The following CALN1 variants were observed in gnomAD, a reference collection of about 807,000 sequenced individuals.
The protein encoded by CALN1 is calneuron 1.
Under a neutral mutation model 30.6 loss-of-function variants are expected in CALN1, and 17 were observed. The observed-to-expected ratio is 0.56, with a 90% CI of 0.38 to 0.83. The LOEUF (loss-of-function observed/expected upper bound fraction) is 0.83, where lower values mean the gene tolerates loss of function less well. CALN1 is among the 40% of genes least tolerant of loss of function. The pLI, the probability that CALN1 is intolerant of heterozygous loss-of-function variation, is 0.00. For missense variants in CALN1, 291 were observed against 354.9 expected (o/e 0.82, Z 1.45); for synonymous variants, 156 against 131.4 (o/e 1.19, Z -1.28).
At chr7:72,121,857 T>C (rs1414440598) in intron 3 of CALN1, among the ~76,000 whole-genome samples, 1 of 147,540 alleles carries the variant, frequency 6.8e-6, no homozygotes, top group South Asian at 2.1e-4. Context: ...ATAATATCTA[T>C]TATATAATTA....
the CALN1 span, among the ~76,000 whole-genome samples, chr7:72,487,673 GAAAGAAAGA>G: frequency 6.3e-5 from 8 of 127,878 alleles, no homozygotes; most frequent in African/African-American, 2.6e-4. Context: ...GCAGCAGAGT[GAAAGAAAGA>G]AAGGAAAGAA....
intron 3 of CALN1, among the ~76,000 whole-genome samples, chr7:72,274,985 C>T (rs375217425): frequency 6.6e-6 from 1 of 152,068 alleles, no homozygotes; most frequent in Non-Finnish European, 1.5e-5. Flanking sequence ...CCTTTTCATG[C>T]CTGTTTTCAG....
intron 3 of CALN1, among the ~76,000 whole-genome samples, chr7:72,125,482 A>G (rs1295077148): frequency 3.3e-5 from 5 of 152,246 alleles, no homozygotes; most frequent in Non-Finnish European, 5.9e-5. Flanking sequence ...GGCACTTTGT[A>G]AAGTAAATAA....
intron 5 of CALN1, among the ~76,000 whole-genome samples, chr7:71,928,437 ACTTT>A (rs1795379852): frequency 1.5e-5 from 2 of 136,008 alleles, no homozygotes; most frequent in South Asian, 4.7e-4. Context: ...GTTTGCCATT[ACTTT>A]TAATGGCAAA....
At chr7:71,888,390 C>T (rs75257575) in intron 5 of CALN1, among the ~76,000 whole-genome samples, 4 of 143,734 alleles carry the variant, frequency 2.8e-5, no homozygotes, top group Non-Finnish European at 6.0e-5. Flanking sequence ...TAAAAGTGGG[C>T]GATTGTATGG....
intron 2 of CALN1, among the ~76,000 whole-genome samples, chr7:72,387,274 A>AGGGAGGG (rs1562939094): frequency 4.3e-4 from 5 of 11,700 alleles, no homozygotes; most frequent in African/African-American, 5.3e-4. Context: ...GGAAGGGAGG[A>AGGGAGGG]AGGGAGGGAG....
intron 5 of CALN1, among the ~76,000 whole-genome samples, chr7:71,875,607 T>C (rs566872772): frequency 6.6e-6 from 1 of 152,112 alleles, no homozygotes; most frequent in Non-Finnish European, 1.5e-5. Context: ...GGGACTGTGG[T>C]AGAATAACAT....
chr7:71,975,214 C>T (rs1052429970), intron 5 of CALN1, among the ~76,000 whole-genome samples: 1 of 152,172 alleles, frequency 6.6e-6, no homozygotes, highest in African/African-American at 2.4e-5. Context: ...GAGCCCCGTG[C>T]TAGCCTCTTG....
chr7:71,884,217 C>T (rs1475803941), intron 5 of CALN1, among the ~76,000 whole-genome samples: 2 of 152,080 alleles, frequency 1.3e-5, no homozygotes, highest in African/African-American at 4.8e-5. Context: ...CCGGCCATAT[C>T]AGCCTCTTTG....
intron 5 of CALN1, among the ~76,000 whole-genome samples, chr7:71,866,648 C>A (rs1049537080): frequency 6.6e-6 from 1 of 152,116 alleles, no homozygotes; most frequent in African/African-American, 2.4e-5. Context: ...TTAACTGAAA[C>A]TACCAGTCAA....
chr7:72,233,780 G>C (rs527525416), intron 3 of CALN1, among the ~76,000 whole-genome samples: 11 of 152,240 alleles, frequency 7.2e-5, no homozygotes, highest in African/African-American at 2.6e-4. Context: ...GAGGCAGGCG[G>C]ATAATCTGAG....
chr7:72,210,007 C>A (rs1423296485), intron 3 of CALN1, among the ~76,000 whole-genome samples: 2 of 152,170 alleles, frequency 1.3e-5, no homozygotes, highest in Non-Finnish European at 2.9e-5. Flanking sequence ...CCAGCAGCAT[C>A]CCCCGAAGCC....
chr7:72,366,396 G>A (rs749120480), intron 2 of CALN1, among the ~76,000 whole-genome samples: 8 of 151,874 alleles, frequency 5.3e-5, no homozygotes, highest in Non-Finnish European at 8.8e-5. Context: ...AGCTGGTCTC[G>A]AACTCCTGAC....
intron 3 of CALN1, among the ~76,000 whole-genome samples, chr7:72,215,434 A>G (rs886272292): frequency 1.3e-5 from 2 of 152,058 alleles, no homozygotes; most frequent in Non-Finnish European, 1.5e-5. Flanking sequence ...TCTCTACCAA[A>G]AATACAAAAA....
intron 2 of CALN1, among the ~76,000 whole-genome samples, chr7:72,304,885 T>G (rs1424635327): frequency 6.6e-6 from 1 of 152,196 alleles, no homozygotes; most frequent in East Asian, 1.9e-4. Context: ...CTTAGTGACA[T>G]GGGTCTATTT....
At chr7:71,837,079 A>G (rs974592952) in intron 5 of CALN1, among the ~76,000 whole-genome samples, 40 of 151,518 alleles carry the variant, frequency 2.6e-4, no homozygotes, top group South Asian at 2.1e-4. Flanking sequence ...TAAAATTACA[A>G]AAGTTAGTCG....
intron 5 of CALN1, among the ~76,000 whole-genome samples, chr7:71,870,976 C>T (rs62459053): frequency 0.023 from 3,493 of 152,132 alleles, 138 homozygotes; most frequent in South Asian, 0.18. Flanking sequence ...TCAGTTTCTC[C>T]TTCTGTTTTG....
At chr7:72,124,344 T>C (rs1413989973) in intron 3 of CALN1, among the ~76,000 whole-genome samples, 2 of 152,158 alleles carry the variant, frequency 1.3e-5, no homozygotes, top group East Asian at 3.8e-4. Context: ...AATTCACTTT[T>C]GGAAAATTAA....
At chr7:72,417,187 G>A (rs1779174938), upstream of CALN1, among the ~76,000 whole-genome samples, 1 of 152,170 alleles carries the variant, frequency 6.6e-6, no homozygotes. Context: ...GCTGTTTGGT[G>A]CCCTCGCCTC....
Sources: gnomAD v4.1 joint callset for allele counts (sites outside exome capture counted in the v4.1 genomes callset) on GRCh38, gnomAD v4.1.1 for gene constraint, MANE v1.5 for transcripts, NCBI Gene and HGNC (gene_info 2026-07-23, HGNC 2026-07-21) for gene names.